PDE1A: variants seen among roughly 807,000 people sequenced by gnomAD.
PDE1A encodes dual specificity calcium/calmodulin-dependent 3',5'-cyclic nucleotide phosphodiesterase 1A.
In PDE1A, 35 loss-of-function variants were observed where a neutral mutation model predicts 61.7. That is an observed-to-expected ratio of 0.57 (90% confidence interval 0.43 to 0.75). The LOEUF (loss-of-function observed/expected upper bound fraction) is 0.75, where lower values mean the gene tolerates loss of function less well. Among genes scored for constraint, PDE1A ranks in the 30% least tolerant of loss-of-function variants. The pLI, the probability that PDE1A is intolerant of heterozygous loss-of-function variation, is 0.00. For synonymous variants in PDE1A, 232 were observed against 213.2 expected (o/e 1.09, Z -0.77); for missense variants, 597 against 630.6 (o/e 0.95, Z 0.57).
intron 10 of PDE1A, among the ~76,000 whole-genome samples, chr2:182,197,688 T>A (rs770146495): frequency 2.0e-5 from 3 of 152,026 alleles, no homozygotes; most frequent in Non-Finnish European, 4.4e-5. Flanking sequence ...TTGGTGCCTT[T>A]GTAAAGATCA....
exon 7 of PDE1A, chr2:182,223,924 G>A (rs1688936801): frequency 6.2e-7 from 1 of 1,606,000 alleles, no homozygotes; most frequent in Admixed American, 1.7e-5. Flanking sequence ...AATGGCAGCA[G>A]CAAAGACCAT....
intron 1 of PDE1A, among the ~76,000 whole-genome samples, chr2:182,418,587 G>A (rs977956315): frequency 6.6e-6 from 1 of 152,138 alleles, no homozygotes; most frequent in South Asian, 2.1e-4. Flanking sequence ...AACTGCAGAT[G>A]GAGTAAGGGA....
chr2:182,468,700 T>A (rs968082394), intron 2 of PDE1A, among the ~76,000 whole-genome samples: 2 of 152,002 alleles, frequency 1.3e-5, no homozygotes, highest in African/African-American at 4.8e-5. Context: ...CTCAGATCCA[T>A]CAGAAGAATC....
chr2:182,485,600 C>T (rs963946531), intron 2 of PDE1A, among the ~76,000 whole-genome samples: 22 of 151,816 alleles, frequency 1.4e-4, no homozygotes, highest in African/African-American at 5.1e-4. Flanking sequence ...GAAAACAAAA[C>T]GGTAGCAAAC....
the PDE1A span, among the ~76,000 whole-genome samples, chr2:182,620,632 A>C: frequency 6.6e-6 from 1 of 152,242 alleles, no homozygotes; most frequent in African/African-American, 2.4e-5. Flanking sequence ...CATTAGAAGA[A>C]CAAGAATAAT....
chr2:182,477,726 A>G (rs1279337442), intron 2 of PDE1A, among the ~76,000 whole-genome samples: 1 of 151,968 alleles, frequency 6.6e-6, no homozygotes, highest in East Asian at 1.9e-4. Context: ...CATTTTGCGA[A>G]TAAGAAAACT....
chr2:182,261,476 T>C (rs377142381), intron 2 of PDE1A, among the ~76,000 whole-genome samples: 3 of 152,124 alleles, frequency 2.0e-5, no homozygotes, highest in Non-Finnish European at 4.4e-5. Flanking sequence ...CATGATGCCA[T>C]GGAAGCATTA....
At chr2:182,624,041 C>T in the PDE1A span, among the ~76,000 whole-genome samples, 1 of 148,580 alleles carries the variant, frequency 6.7e-6, no homozygotes, top group South Asian at 2.1e-4. Context: ...AGGAGAATGG[C>T]GTGAACCCGG....
intron 13 of PDE1A, among the ~76,000 whole-genome samples, chr2:182,161,282 GA>G (rs1307836875): frequency 6.6e-6 from 1 of 152,094 alleles, no homozygotes; most frequent in Non-Finnish European, 1.5e-5. Context: ...TCCATCGGCT[GA>G]GTTACAAAGA....
intron 7 of PDE1A, among the ~76,000 whole-genome samples, chr2:182,221,248 C>T (rs2125596262): frequency 6.6e-6 from 1 of 152,060 alleles, no homozygotes; most frequent in African/African-American, 2.4e-5. Context: ...AGAGGCCAGC[C>T]CACTGGCCTT....
At chr2:182,706,490 A>G in the PDE1A span, among the ~76,000 whole-genome samples, 13 of 152,302 alleles carry the variant, frequency 8.5e-5, no homozygotes, top group Middle Eastern at 3.4e-3. Context: ...AGTGAATCAT[A>G]TAACTTGAAA....
chr2:182,448,428 G>C (rs910628286), intron 2 of PDE1A, among the ~76,000 whole-genome samples: 1 of 151,830 alleles, frequency 6.6e-6, no homozygotes, highest in Non-Finnish European at 1.5e-5. Flanking sequence ...CCTTGTTGAA[G>C]TCTGATTTAC....
chr2:182,529,875 C>T, the PDE1A span, among the ~76,000 whole-genome samples: 3 of 152,216 alleles, frequency 2.0e-5, no homozygotes, highest in Non-Finnish European at 4.4e-5. Context: ...CCATGTGGAA[C>T]TGTGAGTCCA....
chr2:182,441,166 A>G (rs1391186620), intron 2 of PDE1A, among the ~76,000 whole-genome samples: 2 of 152,002 alleles, frequency 1.3e-5, no homozygotes, highest in Admixed American at 6.6e-5. Context: ...ATCAGCTCTC[A>G]TGGGACTTAT....
intron 1 of PDE1A, among the ~76,000 whole-genome samples, chr2:182,354,954 G>A (rs1292003638): frequency 4.6e-5 from 7 of 151,908 alleles, no homozygotes; most frequent in Non-Finnish European, 7.4e-5. Flanking sequence ...TTTTAATAAG[G>A]TTCCTAGAGA....
chr2:182,164,789 A>C (rs898406783), downstream of PDE1A, among the ~76,000 whole-genome samples: 4 of 152,142 alleles, frequency 2.6e-5, no homozygotes, highest in African/African-American at 9.7e-5. Flanking sequence ...CCATCACAGA[A>C]GGGGCAGCAT....
At chr2:182,384,654 T>G (rs542811431) in intron 1 of PDE1A, among the ~76,000 whole-genome samples, 1 of 152,110 alleles carries the variant, frequency 6.6e-6, no homozygotes, top group East Asian at 1.9e-4. Context: ...GAAATCAGGT[T>G]AGCTTACAGG....
intron 2 of PDE1A, among the ~76,000 whole-genome samples, chr2:182,480,088 C>CA (rs1215629976): frequency 6.6e-6 from 1 of 151,740 alleles, no homozygotes; most frequent in East Asian, 1.9e-4. Flanking sequence ...AACAAATGGA[C>CA]AAAAAAGCTT....
In PDE1A at chr2:182,401,528, A is replaced by G. The variant is rs534868347; in HGVS notation, c.53+25050T>C. ...GTACTGATGGGAAGTATCTCAAAAC[A>G]TTAAGAGCTATTTATGAAAAACACA... On this transcript the variant is annotated intron_variant, in intron 1 of 13. Coordinates refer to ENST00000351439, the Ensembl canonical transcript of PDE1A. Among the ~76,000 whole-genome samples the G allele has an allele frequency of 5.9e-5, 9 of 152,322 alleles. No individual in the cohort carries two copies. In the East Asian group the frequency reaches 1.7e-3, roughly 29 times the overall value.
Sources: allele counts gnomAD v4.1 joint callset (sites outside exome capture counted in the v4.1 genomes callset), GRCh38; gene constraint gnomAD v4.1.1; transcripts MANE v1.5; gene names NCBI Gene and HGNC (gene_info 2026-07-23, HGNC 2026-07-21).